DLG5: variants seen among roughly 807,000 people sequenced by gnomAD.
DLG5 encodes disks large homolog 5.
A neutral mutation model predicts 189.8 loss-of-function variants in DLG5; 48 were observed. The observed-to-expected ratio is 0.25, with a 90% CI of 0.20 to 0.32. The LOEUF (loss-of-function observed/expected upper bound fraction) is 0.32. DLG5 is among the 10% of genes least tolerant of loss of function. The probability of loss-of-function intolerance (pLI) is 1.00; values close to 1 mark genes in which losing one functional copy is unlikely to be tolerated. For synonymous variants in DLG5, 1,016 were observed against 1,054.1 expected, an observed-to-expected ratio of 0.96 and a Z score of 0.70; for missense variants, 2,160 against 2,544.7, an observed-to-expected ratio of 0.85 and a Z score of 3.25.
At position 77,926,268 on chromosome 10, in the gene DLG5, T is replaced by C. The variant is rs370602553; in HGVS notation, c.253A>G (p.Ile85Val). The change falls in exon 1 of 32, where the codon ATT (isoleucine) becomes GTT (valine). Residue 85 changes from isoleucine to valine, a missense_variant. Ile to Val is a conservative substitution (Grantham distance 29, BLOSUM62 3). Transcript: ENST00000372391. This position sits in a 1 kb window ranked among gnomAD's most constrained non-coding sequence, Gnocchi z 5.2. ...CCGACGACGCCGTTCAGGTAGAGAA[T>C]GGGCAGCAGGTGAGGCTGCGTCTTC... ...LEKTQPHLLP[I>V]LYLNGVVGPP... The C allele has an allele frequency of 1.3e-4, 204 of 1,576,928 alleles. 1 individual carries two copies. The African/African-American group carries it at 2.4e-3, about 18-fold the overall frequency.
intron 1 of DLG5, among the ~76,000 whole-genome samples, chr10:77,896,375 T>A (rs1196812249): frequency 2.0e-5 from 3 of 152,194 alleles, no homozygotes; most frequent in Non-Finnish European, 4.4e-5. Flanking sequence ...TATAATTGCA[T>A]CAGTGCTGAG....
intron 7 of DLG5, 58 bp downstream of exon 7, chr10:77,841,823 C>A (rs1291222497): frequency 5.1e-6 from 8 of 1,557,166 alleles, no homozygotes; most frequent in Non-Finnish European, 7.0e-6. Flanking sequence ...CTCTGCAGCC[C>A]CTCTTCCCGG....
chr10:77,932,192 G>A, the DLG5 span, among the ~76,000 whole-genome samples: 2 of 152,200 alleles, frequency 1.3e-5, no homozygotes, highest in East Asian at 1.9e-4. Flanking sequence ...CCTCTGCGAG[G>A]AAAGACTCCA....
the DLG5 span, among the ~76,000 whole-genome samples, chr10:77,934,863 T>G: frequency 4.7e-5 from 7 of 149,812 alleles, no homozygotes; most frequent in Non-Finnish European, 7.4e-5. Flanking sequence ...TTTTTTTGTT[T>G]TTTTTTTTTT....
chr10:77,875,116 C>G (rs548770563), intron 1 of DLG5, among the ~76,000 whole-genome samples: 1 of 152,146 alleles, frequency 6.6e-6, no homozygotes, highest in East Asian at 1.9e-4. Context: ...TGCTGAAGGT[C>G]GTGCTAGGGC....
At chr10:77,809,856 G>A (rs866515280) in intron 23 of DLG5, 126 bp from the exon 24 acceptor site, 1 of 1,147,806 alleles carries the variant, frequency 8.7e-7, no homozygotes, top group African/African-American at 1.6e-5. Context: ...AGGGAGCTGA[G>A]AGGTGGCCTC....
At chr10:77,892,527 T>C (rs1456224945) in intron 1 of DLG5, among the ~76,000 whole-genome samples, 1 of 152,162 alleles carries the variant, frequency 6.6e-6, no homozygotes, top group Non-Finnish European at 1.5e-5. Context: ...GATAAAGTAG[T>C]CCAGTGCCCC....
chr10:77,906,867 C>A (rs951075005), intron 1 of DLG5, among the ~76,000 whole-genome samples: 2 of 152,052 alleles, frequency 1.3e-5, no homozygotes, highest in African/African-American at 4.8e-5. Context: ...CTCAGGTGAT[C>A]CACCTGACTC....
At chr10:77,843,796 A>G in intron 5 of DLG5, 90 bp from the exon 6 acceptor site, 1 of 1,556,782 alleles carries the variant, frequency 6.4e-7, no homozygotes, top group Non-Finnish European at 8.8e-7. Flanking sequence ...TGAGGGTGAG[A>G]CTGATGACAA....
chr10:77,904,274 G>A (rs943014046), intron 1 of DLG5, among the ~76,000 whole-genome samples: 12 of 152,256 alleles, frequency 7.9e-5, no homozygotes, highest in Middle Eastern at 3.4e-3. Context: ...CCTCCACCAC[G>A]ATTATGAGAC....
intron 2 of DLG5, among the ~76,000 whole-genome samples, chr10:77,866,334 C>A (rs1337230666): frequency 6.6e-6 from 1 of 152,212 alleles, no homozygotes; most frequent in Non-Finnish European, 1.5e-5. Flanking sequence ...GTTTCTGATG[C>A]AGCAGGGGTG....
intron 1 of DLG5, among the ~76,000 whole-genome samples, chr10:77,900,191 C>T (rs569656923): frequency 9.2e-5 from 14 of 152,234 alleles, no homozygotes; most frequent in Admixed American, 5.2e-4. Context: ...AGCTCAGAAA[C>T]AGAAGCAGAT....
At position 77,869,192 on chromosome 10, in the gene DLG5, T is replaced by C. The variant is rs756926182; in HGVS notation, c.310A>G (p.Thr104Ala). The C allele has an allele frequency of 2.5e-6, 4 of 1,613,412 alleles. No homozygotes were observed. Among genetic ancestry groups the C allele is most frequent in the Admixed American group, 1.7e-5 (1 of 59,920 alleles). The change falls in exon 2 of 32, where the codon ACC (threonine) becomes GCC (alanine). Residue 104 changes from threonine to alanine, a missense_variant. Transcript: ENST00000372391. ...PPQPAEGAGSTYSVLSTMPSD... is the reference protein window; with the variant it reads ...PPQPAEGAGSAYSVLSTMPSD... The stretch of plus-strand genomic sequence containing the variant: ...GGCATGGTGGACAGGACGCTGTAGG[T>C]AGAACCTGGGGAAAGAGGGGAGACC...
chr10:77,819,706 T>A (rs1842240223), intron 16 of DLG5, 189 bp downstream of exon 16: 2 of 1,122,014 alleles, frequency 1.8e-6, no homozygotes, highest in Non-Finnish European at 2.5e-6. Flanking sequence ...AGAAAGCATG[T>A]TGACAAGCTA....
chr10:77,870,106 T>C (rs1407435283), intron 1 of DLG5, among the ~76,000 whole-genome samples: 3 of 149,182 alleles, frequency 2.0e-5, no homozygotes, highest in Non-Finnish European at 4.4e-5. Flanking sequence ...TGACATAAAA[T>C]TAAAAGGGAG....
At position 77,821,357 on chromosome 10, in the gene DLG5, G is replaced by C; in HGVS notation, c.3127C>G (p.Pro1043Ala). Residue 1043 changes from proline (P) to alanine (A), a missense_variant, in exon 15 of 32, where the codon CCA becomes GCA. Coordinates refer to ENST00000372391, the MANE Select transcript of DLG5 (RefSeq NM_004747.4). ...ESEATLVGSS[P>A]STSPPSALPP... is the part of the protein sequence containing the mutation. ...AGGGCGCTCGGGGGACTAGTGGATG[G>C]GGAGCTGCCCACCAGAGTGGCTTCT... 6.2e-7 allele frequency: 1 copy of C among 1,612,846 alleles called. No individual in the cohort carries two copies. The highest frequency in any genetic ancestry group is 8.5e-7 in the Non-Finnish European group (1 of 1,179,994).
At chr10:77,876,373 C>CTT (rs60644218) in intron 1 of DLG5, among the ~76,000 whole-genome samples, 58 of 134,910 alleles carry the variant, frequency 4.3e-4, no homozygotes, top group South Asian at 1.5e-3. Flanking sequence ...CCCCATCTCT[C>CTT]TTTTTTTTTT....
At chr10:77,908,255 C>A (rs921160936) in intron 1 of DLG5, among the ~76,000 whole-genome samples, 2 of 152,176 alleles carry the variant, frequency 1.3e-5, no homozygotes, top group African/African-American at 4.8e-5. Context: ...CTGGGGAGAA[C>A]GCTGGCTTTC....
At chr10:77,814,253 C>A (rs1462503425) in intron 20 of DLG5, among the ~76,000 whole-genome samples, 2 of 152,014 alleles carry the variant, frequency 1.3e-5, no homozygotes, top group African/African-American at 4.8e-5. Flanking sequence ...GCTGGGATTA[C>A]AGGCATAGGC....
Sources: gnomAD v4.1 joint callset for allele counts (sites outside exome capture counted in the v4.1 genomes callset) on GRCh38, gnomAD v4.1.1 for gene constraint, Gnocchi (gnomAD v3.1) non-coding constraint, MANE v1.5 for transcripts, NCBI Gene and HGNC (gene_info 2026-07-23, HGNC 2026-07-21) for gene names.